MFN1: variants seen among roughly 807,000 people sequenced by gnomAD.
MFN1 encodes the protein mitofusin-1.
In MFN1, 65 loss-of-function variants were observed where a neutral mutation model predicts 92.4. That is an observed-to-expected ratio of 0.70 (90% CI 0.58 to 0.86). MFN1 has a LOEUF of 0.86. Among genes scored for constraint, MFN1 ranks in the 40% least tolerant of loss-of-function variants. The pLI is 0.00. For synonymous variants in MFN1, 297 were observed against 300.9 expected, an observed-to-expected ratio of 0.99 and a Z score of 0.13; for missense variants, 781 against 868.0, an observed-to-expected ratio of 0.90 and a Z score of 1.26.
chr3:179,358,159 T>TA (rs970807118), intron 3 of MFN1, among the ~76,000 whole-genome samples: 2 of 144,222 alleles, frequency 1.4e-5, no homozygotes, highest in Non-Finnish European at 3.0e-5. Flanking sequence ...TGTTTTTTTT[T>TA]TTTTTTTTTG....
intron 9 of MFN1, among the ~76,000 whole-genome samples, chr3:179,374,264 T>C (rs1713134142): frequency 6.7e-6 from 1 of 149,346 alleles, no homozygotes; most frequent in Non-Finnish European, 1.5e-5. Context: ...GATCATGCCA[T>C]TGCACTCCAG....
intron 9 of MFN1, among the ~76,000 whole-genome samples, chr3:179,372,238 T>G (rs1197685559): frequency 1.3e-5 from 2 of 151,188 alleles, no homozygotes; most frequent in Admixed American, 1.3e-4. Flanking sequence ...GGTCTATTTC[T>G]TGCACTTTCT....
At chr3:179,389,948 T>G in intron 16 of MFN1, 56 bp from the exon 17 acceptor site, 4 of 1,485,016 alleles carry the variant, frequency 2.7e-6, no homozygotes, top group Non-Finnish European at 3.6e-6. Context: ...AGCTTTAAAT[T>G]AAAGCTTATT....
chr3:179,374,660 T>A (rs1040441716), intron 9 of MFN1, among the ~76,000 whole-genome samples: 1 of 152,100 alleles, frequency 6.6e-6, no homozygotes, highest in Admixed American at 6.5e-5. Context: ...GCTGCAGATA[T>A]TTTTTCTATA....
At chr3:179,367,660 C>A (rs1156508917) in intron 8 of MFN1, 68 bp downstream of exon 8, 1 of 1,376,162 alleles carries the variant, frequency 7.3e-7, no homozygotes, top group Non-Finnish European at 9.7e-7. Flanking sequence ...TGCGGTGGCT[C>A]ACGCCTGTAA....
chr3:179,391,967 ATTTT>A lies in MFN1; in HGVS notation c.2148-10_2148-7del. ...TTTATAGTAATTAGATTGGTGTTTT[ATTTT>A]TTTAATTAGAAATAAAGCTGTTCAA... is the stretch of plus-strand genomic sequence containing the variant. On this transcript the variant is annotated splice_polypyrimidine_tract_variant and intron_variant, in intron 17 of 17. Transcript: ENST00000471841. 6.5e-7 allele frequency: 1 copy of A among 1,547,258 alleles called. No homozygotes were observed. The highest frequency in any genetic ancestry group is 1.7e-4 in the Middle Eastern group (1 of 5,926).
At chr3:179,353,585 G>C (rs1224277285) in intron 3 of MFN1, among the ~76,000 whole-genome samples, 1 of 152,122 alleles carries the variant, frequency 6.6e-6, no homozygotes, top group Non-Finnish European at 1.5e-5. Flanking sequence ...AAAAGGCAGT[G>C]ATCAGGTACG....
chr3:179,357,906 A>C (rs1712405744), intron 3 of MFN1, among the ~76,000 whole-genome samples: 1 of 152,098 alleles, frequency 6.6e-6, no homozygotes. Context: ...GGTTGAAATG[A>C]TCTTAAATCT....
intron 7 of MFN1, among the ~76,000 whole-genome samples, chr3:179,367,037 C>T (rs1161823189): frequency 6.6e-6 from 1 of 152,228 alleles, no homozygotes; most frequent in Non-Finnish European, 1.5e-5. Flanking sequence ...AAGCGACTCT[C>T]CTGCCTCAGC....
chr3:179,392,645 C>A lies in MFN1; in HGVS notation c.*586C>A, dbSNP rs1220146699. 6.6e-6 allele frequency: 1 copy of A among 152,162 alleles called. No individual in the cohort carries two copies. Among genetic ancestry groups the A allele is most frequent in the African/African-American group, 2.4e-5 (1 of 41,448 alleles). The allele number at this position is 152,162 out of a possible 1,614,324, so 9.4% of individuals were successfully genotyped here. The stretch of plus-strand genomic sequence containing the variant: ...AAACAGGATAAAGGCTTGTTATAGT[C>A]ACTTATAAGTATCTGGGTCTAAGTA... On this transcript the variant is annotated 3_prime_UTR_variant, in exon 18 of 18. Coordinates refer to ENST00000471841, the MANE Select transcript of MFN1 (RefSeq NM_033540.3).
chr3:179,374,401 AATAT>A (rs58260395), intron 9 of MFN1, among the ~76,000 whole-genome samples: 6 of 92,564 alleles, frequency 6.5e-5, no homozygotes, highest in Admixed American at 1.2e-4. Flanking sequence ...ATATATATGT[AATAT>A]ATATATATAA....
At position 179,368,117 on chromosome 3, in the gene MFN1, G is replaced by T. The variant is rs1477783062; in HGVS notation, c.975+14G>T. The T allele has an allele frequency of 6.5e-7, 1 of 1,548,262 alleles. No individual in the cohort carries two copies. Among genetic ancestry groups the T allele is most frequent in the Non-Finnish European group, 8.7e-7 (1 of 1,142,990 alleles). On this transcript the variant is annotated intron_variant, in intron 9 of 17. Coordinates refer to ENST00000471841, the MANE Select transcript of MFN1 (RefSeq NM_033540.3). ...CAAATCTTTGAGGTAGGAATTTTGTGATTGTATTGCCTAATACAAAACTCT... is the reference window on the plus strand; with the variant it reads ...CAAATCTTTGAGGTAGGAATTTTGTTATTGTATTGCCTAATACAAAACTCT...
At chr3:179,353,041 C>T (rs549747312) in intron 3 of MFN1, among the ~76,000 whole-genome samples, 29 of 148,404 alleles carry the variant, frequency 2.0e-4, no homozygotes, top group African/African-American at 6.3e-4. Context: ...CGTGAGCCAC[C>T]GCATCCAGCC....
chr3:179,378,988 A>G (rs532843772), intron 14 of MFN1, among the ~76,000 whole-genome samples, 174 bp downstream of exon 14: 1 of 151,870 alleles, frequency 6.6e-6, no homozygotes, highest in Non-Finnish European at 1.5e-5. Context: ...GAAAATCCTT[A>G]AAGGTCCAAA....
Position 179,377,083 on chromosome 3 carries a change from T to G in MFN1, c.1139T>G (p.Leu380Arg), listed in dbSNP as rs1194919154. The G allele has an allele frequency of 6.2e-7, 1 of 1,613,836 alleles. No individual in the cohort carries two copies. The highest frequency in any genetic ancestry group is 1.1e-5 in the South Asian group (1 of 91,058). The change falls in exon 11 of 18, where the codon CTG becomes CGG. Residue 380 changes from leucine to arginine, a missense_variant. Transcript: ENST00000471841. The stretch of plus-strand genomic sequence containing the variant: ...GAGAGGGAAGACCAAATTGATAGAC[T>G]GGACTTTATTCGAAACCAGATGAAC... The part of the protein sequence containing the change: ...VEEREDQIDR[L>R]DFIRNQMNLL...
intron 17 of MFN1, 25 bp downstream of exon 17, chr3:179,390,163 A>G: frequency 6.7e-7 from 1 of 1,500,308 alleles, no homozygotes; most frequent in Non-Finnish European, 8.9e-7. Context: ...CTTCTCAATA[A>G]TTTGAACATT....
At chr3:179,385,798 A>T (rs191004700) in intron 15 of MFN1, 77 bp downstream of exon 15, 1 of 1,377,932 alleles carries the variant, frequency 7.3e-7, no homozygotes, top group African/African-American at 1.5e-5. Context: ...AAGAAAAGGT[A>T]TACAGTATTT....
chr3:179,365,475 G>T (rs771708158), intron 7 of MFN1, among the ~76,000 whole-genome samples: 5 of 152,156 alleles, frequency 3.3e-5, no homozygotes, highest in Non-Finnish European at 4.4e-5. Flanking sequence ...TTATTGAAAT[G>T]TACATAACAG....
At chr3:179,380,824 A>G (rs1193369951) in intron 14 of MFN1, among the ~76,000 whole-genome samples, 2 of 152,184 alleles carry the variant, frequency 1.3e-5, no homozygotes, top group Non-Finnish European at 1.5e-5. Flanking sequence ...AGGATGCCAT[A>G]TATGCCAGCA....
Sources: allele counts gnomAD v4.1 joint callset (sites outside exome capture counted in the v4.1 genomes callset), GRCh38; gene constraint gnomAD v4.1.1; transcripts MANE v1.5; gene names NCBI Gene and HGNC (gene_info 2026-07-23, HGNC 2026-07-21).